Variants in CDKN3 observed in about 807,000 individuals in gnomAD.
The protein encoded by CDKN3 is cyclin dependent kinase inhibitor 3.
CDKN3 carries 19 observed loss-of-function variants against 36.1 expected under a neutral mutation model. The observed-to-expected ratio is 0.53, with a 90% CI of 0.37 to 0.77. The LOEUF is 0.77. Among genes scored for constraint, CDKN3 ranks in the 30% least tolerant of loss-of-function variants. The pLI is 0.00. For synonymous variants in CDKN3, 71 were observed against 85.3 expected (o/e 0.83, Z 0.92); for missense variants, 188 against 248.6 (o/e 0.76, Z 1.64).
intron 1 of CDKN3, 72 bp downstream of exon 1, chr14:54,397,149 G>C (rs1194068301): frequency 7.2e-7 from 1 of 1,394,844 alleles, no homozygotes; most frequent in Non-Finnish European, 9.4e-7. Flanking sequence ...ACCCGATCCT[G>C]GGCCGGAGGG....
intron 3 of CDKN3, among the ~76,000 whole-genome samples, chr14:54,406,840 G>A (rs1266989767): frequency 6.6e-6 from 1 of 151,990 alleles, no homozygotes; most frequent in African/African-American, 2.4e-5. Context: ...GCCTACTTCT[G>A]TCAGTTCATC....
chr14:54,409,268 T>G (rs2139978343), intron 4 of CDKN3, among the ~76,000 whole-genome samples: 1 of 152,216 alleles, frequency 6.6e-6, no homozygotes, highest in Non-Finnish European at 1.5e-5. Flanking sequence ...TGCTCAAGGA[T>G]GTTCATACCA....
At chr14:54,398,987 C>CTTTTTTTTTTTTTTTTTTTT (rs113342693) in intron 1 of CDKN3, among the ~76,000 whole-genome samples, 5 of 109,276 alleles carry the variant, frequency 4.6e-5, no homozygotes, top group Non-Finnish European at 7.0e-5. Context: ...TTTCTTCTTC[C>CTTTTTTTTTTTTTTTTTTTT]TTTTTTTTTT....
intron 6 of CDKN3, among the ~76,000 whole-genome samples, chr14:54,417,102 T>A (rs2030578195): frequency 6.6e-6 from 1 of 152,220 alleles, no homozygotes; most frequent in Non-Finnish European, 1.5e-5. Flanking sequence ...GTGCAGCGGC[T>A]TTGGAAAATA....
chr14:54,401,911 G>C (rs920495803), intron 3 of CDKN3, among the ~76,000 whole-genome samples: 1 of 152,034 alleles, frequency 6.6e-6, no homozygotes, highest in African/African-American at 2.4e-5. Context: ...ACTTCACTTA[G>C]AATAATAGTC....
At chr14:54,400,032 G>A in intron 2 of CDKN3, 56 bp downstream of exon 2, 1 of 839,548 alleles carries the variant, frequency 1.2e-6, no homozygotes, top group Non-Finnish European at 2.1e-6. Flanking sequence ...CATCATAAAT[G>A]TAAATTTAGT....
intron 3 of CDKN3, among the ~76,000 whole-genome samples, chr14:54,405,353 G>A (rs200541415): frequency 6.6e-6 from 1 of 152,136 alleles, no homozygotes; most frequent in East Asian, 1.9e-4. Context: ...ATGTCAATTA[G>A]GTCTGCTTGG....
At chr14:54,410,195 A>T (rs1191443419) in intron 4 of CDKN3, among the ~76,000 whole-genome samples, 2 of 152,196 alleles carry the variant, frequency 1.3e-5, no homozygotes, top group Admixed American at 1.3e-4. Context: ...CCAGTACATA[A>T]AACAGGTCAA....
At chr14:54,400,614 T>C (rs1356753987) in intron 2 of CDKN3, among the ~76,000 whole-genome samples, 1 of 152,208 alleles carries the variant, frequency 6.6e-6, no homozygotes, top group Non-Finnish European at 1.5e-5. Context: ...GCAAATATAA[T>C]AGTCTCTCTT....
At chr14:54,399,862 TAC>T in intron 1 of CDKN3, 30 bp from the exon 2 acceptor site, 1 of 1,169,960 alleles carries the variant, frequency 8.5e-7, no homozygotes, top group Non-Finnish European at 1.3e-6. Context: ...AAAAATTCTT[TAC>T]AGTTATTTAA....
chr14:54,400,071 C>T, intron 2 of CDKN3, 95 bp downstream of exon 2: 1 of 705,232 alleles, frequency 1.4e-6, no homozygotes, highest in Admixed American at 2.3e-5. Flanking sequence ...GAATGTAGTT[C>T]ACATATTGAA....
intron 3 of CDKN3, among the ~76,000 whole-genome samples, chr14:54,403,964 T>C (rs2030054798): frequency 6.6e-6 from 1 of 152,256 alleles, no homozygotes; most frequent in Non-Finnish European, 1.5e-5. Flanking sequence ...GATTTTCGCA[T>C]CGATGTTCAT....
intron 3 of CDKN3, among the ~76,000 whole-genome samples, chr14:54,403,302 CTT>C (rs1364810898): frequency 6.6e-6 from 1 of 152,150 alleles, no homozygotes; most frequent in African/African-American, 2.4e-5. Flanking sequence ...ATTTTATTCT[CTT>C]TGTAGCAATT....
At chr14:54,415,308 C>CACA (rs2030500027) in intron 5 of CDKN3, among the ~76,000 whole-genome samples, 2 of 152,214 alleles carry the variant, frequency 1.3e-5, no homozygotes, top group East Asian at 3.8e-4. Flanking sequence ...TTGTGAGCCT[C>CACA]ATTTAATCCT....
intron 5 of CDKN3, chr14:54,413,900 C>T: frequency 8.4e-7 from 1 of 1,186,600 alleles, no homozygotes; most frequent in Non-Finnish European, 1.1e-6. Flanking sequence ...TTTCTTCTTT[C>T]CCATTTCTAG....
At chr14:54,409,061 G>GA (rs575485567) in intron 4 of CDKN3, among the ~76,000 whole-genome samples, 12 of 152,120 alleles carry the variant, frequency 7.9e-5, no homozygotes, top group African/African-American at 2.2e-4. Context: ...AAGTTGGCAT[G>GA]AAAAAAAGTA....
intron 3 of CDKN3, among the ~76,000 whole-genome samples, chr14:54,404,798 G>A (rs954462757): frequency 5.6e-5 from 8 of 143,702 alleles, no homozygotes; most frequent in African/African-American, 1.9e-4. Flanking sequence ...GGATGGTCTC[G>A]ATCTCCTGAC....
rs2030679402 is a variant in CDKN3 at position 54,420,141 on chromosome 14, TTGAAA to T, written c.*69_*73del. Reference sequence around the variant, plus strand: ...TGTCAGTTCTCTAGCATAATTTGTATTGAAATGAAACCACCAGTGTTATCAACTTG... The same window carrying T: ...TGTCAGTTCTCTAGCATAATTTGTATTGAAACCACCAGTGTTATCAACTTG... On this transcript the variant is annotated 3_prime_UTR_variant, in exon 8 of 8. Coordinates refer to ENST00000335183, the MANE Select transcript of CDKN3 (RefSeq NM_005192.4). The T allele has an allele frequency of 2.1e-6, 2 of 956,338 alleles. No individual in the cohort carries two copies. The highest frequency in any genetic ancestry group is 3.0e-5 in the South Asian group (2 of 66,242). The allele number at this position is 956,338 out of a possible 1,614,324, so 59.2% of individuals were successfully genotyped here.
rs1319876589 is a variant in CDKN3, at chr14:54,411,699, T to G, written c.409T>G (p.Leu137Val). Residue 137 changes from leucine (L) to valine (V), a missense_variant, in exon 5 of 8, where the codon TTA becomes GTA. Transcript: ENST00000335183. ...TTCLKNYRKT[L>V]IHCYGGLGRS... Reference sequence around the variant, plus strand: ...CTGCCTTAAAAATTACCGAAAAACCTTAATACAGTACGTTCTTTTCTCCAT... The same window carrying G: ...CTGCCTTAAAAATTACCGAAAAACCGTAATACAGTACGTTCTTTTCTCCAT... 6.3e-7 allele frequency: 1 copy of G among 1,591,100 alleles called. No individual in the cohort carries two copies. Among genetic ancestry groups the G allele is most frequent in the South Asian group, 1.1e-5 (1 of 90,606 alleles).
Sources: gnomAD v4.1 joint callset for allele counts (sites outside exome capture counted in the v4.1 genomes callset) on GRCh38, gnomAD v4.1.1 for gene constraint, MANE v1.5 for transcripts, NCBI Gene and HGNC (gene_info 2026-07-23, HGNC 2026-07-21) for gene names.